The following SSBP2 variants were observed in gnomAD, a reference collection of about 807,000 sequenced individuals.
SSBP2 encodes single-stranded DNA-binding protein 2.
SSBP2 carries 17 observed loss-of-function variants against 61.8 expected under a neutral mutation model. That is an observed-to-expected ratio of 0.28 (90% CI 0.19 to 0.41). SSBP2 has a LOEUF of 0.41. Ranked by LOEUF, SSBP2 falls within the 10% of genes least tolerant of loss-of-function variation. SSBP2 has a pLI of 1.00. For missense variants in SSBP2, 310 were observed against 458.7 expected (o/e 0.68, Z 2.96); for synonymous variants, 139 against 141.3 (o/e 0.98, Z 0.12).
At chr5:81,603,898 T>C (rs1033805245) in intron 4 of SSBP2, among the ~76,000 whole-genome samples, 5 of 152,160 alleles carry the variant, frequency 3.3e-5, no homozygotes, top group African/African-American at 1.2e-4. Context: ...CTGAATAGTT[T>C]AGTGTTTCTA....
intron 5 of SSBP2, among the ~76,000 whole-genome samples, chr5:81,507,689 A>G (rs570137215): frequency 1.3e-5 from 2 of 152,096 alleles, no homozygotes; most frequent in East Asian, 1.9e-4. Flanking sequence ...TAAAGAACAT[A>G]AAGTAGGAAA....
At position 81,583,612 on chromosome 5, in the gene SSBP2, A is replaced by G. The variant is rs181785155; in HGVS notation, c.282+31861T>C. ...GCCACTGCACTCCAGCCTGGGCGAC[A>G]GAGCGAGACACCGTCTCAAAAAAAA... On this transcript the variant is annotated intron_variant, in intron 4 of 16. Coordinates refer to ENST00000320672, the MANE Select transcript of SSBP2 (RefSeq NM_012446.5). 8.5e-3 allele frequency among the ~76,000 whole-genome samples: 1,266 copies of G among 149,452 alleles called. 20 individuals are homozygous for G. Among genetic ancestry groups the G allele is most frequent in the African/African-American group, 0.03 (1,223 of 40,442 alleles).
intron 1 of SSBP2, among the ~76,000 whole-genome samples, chr5:81,732,933 A>G (rs1404100551): frequency 6.6e-6 from 1 of 152,264 alleles, no homozygotes; most frequent in Non-Finnish European, 1.5e-5. Context: ...ATTAGAAAAC[A>G]GTACATTTTA....
intron 16 of SSBP2, among the ~76,000 whole-genome samples, chr5:81,424,392 C>A (rs578214307): frequency 2.1e-4 from 32 of 151,910 alleles, no homozygotes; most frequent in Admixed American, 5.2e-4. Flanking sequence ...CCATTGCATT[C>A]CAGCCTGGGA....
chr5:81,579,758 T>C (rs773136331), intron 4 of SSBP2, among the ~76,000 whole-genome samples: 16 of 152,060 alleles, frequency 1.1e-4, no homozygotes, highest in Non-Finnish European at 1.9e-4. Flanking sequence ...AGCTGTCAAA[T>C]AGCCCCTAGA....
At position 81,420,279 on chromosome 5, in the gene SSBP2, G is replaced by A. The variant is rs1761515870; in HGVS notation, c.*225C>T. On this transcript the variant is annotated 3_prime_UTR_variant, in exon 17 of 17. Coordinates refer to ENST00000320672, the MANE Select transcript of SSBP2 (RefSeq NM_012446.5). ...ATACATACACACATAATTATTTGCA[G>A]TTCAGTTTAGGGCAATTCTAATATG... The A allele has an allele frequency of 7.0e-6, 4 of 573,398 alleles. No individual in the cohort carries two copies. The highest frequency in any genetic ancestry group is 5.7e-5 in the East Asian group (2 of 34,976). 35.5% of individuals were successfully genotyped at this position (573,398 alleles called of 1,614,324 possible).
intron 4 of SSBP2, among the ~76,000 whole-genome samples, chr5:81,537,289 G>C (rs985902622): frequency 6.6e-6 from 1 of 151,980 alleles, no homozygotes; most frequent in Admixed American, 6.6e-5. Flanking sequence ...TCTTATGGGG[G>C]TGGAGGCTTT....
intron 10 of SSBP2, among the ~76,000 whole-genome samples, chr5:81,460,680 C>T (rs1764474384): frequency 6.6e-6 from 1 of 152,138 alleles, no homozygotes; most frequent in Admixed American, 6.5e-5. Flanking sequence ...TTGGCTTCTT[C>T]TAACAGGTTG....
intron 6 of SSBP2, among the ~76,000 whole-genome samples, chr5:81,488,740 T>G (rs1395441327): frequency 1.4e-5 from 2 of 138,786 alleles, no homozygotes; most frequent in Non-Finnish European, 3.1e-5. Context: ...TGTGTGATGT[T>G]CCCCTTCCTG....
At chr5:81,625,069 G>T (rs1747006775) in intron 3 of SSBP2, among the ~76,000 whole-genome samples, 1 of 151,986 alleles carries the variant, frequency 6.6e-6, no homozygotes, top group Non-Finnish European at 1.5e-5. Context: ...TTGATGTAAG[G>T]TTATATAGTA....
intron 4 of SSBP2, among the ~76,000 whole-genome samples, chr5:81,536,942 T>G (rs1297335045): frequency 6.6e-6 from 1 of 151,624 alleles, no homozygotes; most frequent in African/African-American, 2.4e-5. Flanking sequence ...AGGCGGAGGT[T>G]GCAGTGAACT....
intron 1 of SSBP2, among the ~76,000 whole-genome samples, chr5:81,653,129 G>T (rs903385213): frequency 6.6e-6 from 1 of 151,962 alleles, no homozygotes; most frequent in Non-Finnish European, 1.5e-5. Context: ...CCCAGTGTGT[G>T]ATGTTCCCCT....
chr5:81,673,769 T>C (rs769627960), intron 1 of SSBP2, among the ~76,000 whole-genome samples: 3 of 152,202 alleles, frequency 2.0e-5, no homozygotes, highest in South Asian at 2.1e-4. Context: ...GCTAAAGACG[T>C]TGGCACTAAA....
At chr5:81,738,722 G>A (rs1322019106) in intron 1 of SSBP2, among the ~76,000 whole-genome samples, 1 of 152,162 alleles carries the variant, frequency 6.6e-6, no homozygotes, top group Non-Finnish European at 1.5e-5. Flanking sequence ...CTGCATTGGT[G>A]TAGAAAAATG....
At chr5:81,607,926 G>T (rs992279849) in intron 4 of SSBP2, among the ~76,000 whole-genome samples, 1 of 152,138 alleles carries the variant, frequency 6.6e-6, no homozygotes, top group Admixed American at 6.5e-5. Context: ...CTGGGTTACA[G>T]AACATAACAG....
intron 3 of SSBP2, among the ~76,000 whole-genome samples, chr5:81,632,889 G>C (rs1474574800): frequency 6.6e-6 from 1 of 152,142 alleles, no homozygotes; most frequent in African/African-American, 2.4e-5. Context: ...TTCTGAATCT[G>C]AAACATTCTT....
rs1761523773 is a variant in SSBP2 at position 81,420,409 on chromosome 5, T to G, written c.*95A>C. 8.1e-7 allele frequency: 1 copy of G among 1,231,352 alleles called. No individual in the cohort carries two copies. Among genetic ancestry groups the G allele is most frequent in the Non-Finnish European group, 1.2e-6 (1 of 841,178 alleles). The allele number at this position is 1,231,352 out of a possible 1,614,324, so 76.3% of individuals were successfully genotyped here. A position where few individuals can be genotyped will look rare whatever the true frequency, so the allele number is the denominator to read the frequency against. ...TGGTTTGGTGTGACTGAGATTCCTTTGTTTAACTGTACACTGTGATGAATA... is the reference window on the plus strand; with the variant it reads ...TGGTTTGGTGTGACTGAGATTCCTTGGTTTAACTGTACACTGTGATGAATA... On this transcript the variant is annotated 3_prime_UTR_variant, in exon 17 of 17. Transcript: ENST00000320672.
intron 1 of SSBP2, among the ~76,000 whole-genome samples, chr5:81,736,518 G>A (rs987752174): frequency 6.6e-6 from 1 of 151,976 alleles, no homozygotes; most frequent in Non-Finnish European, 1.5e-5. Flanking sequence ...TTGGTCAAGT[G>A]GCTTTGATGT....
chr5:81,437,816 AT>A (rs1561397770), intron 14 of SSBP2: 1 of 153,664 alleles, frequency 6.5e-6, no homozygotes, highest in East Asian at 1.9e-4. Context: ...ATATCTACAT[AT>A]ATTTTTTGAA....
Sources: allele counts gnomAD v4.1 joint callset (sites outside exome capture counted in the v4.1 genomes callset), GRCh38; gene constraint gnomAD v4.1.1; transcripts MANE v1.5; gene names NCBI Gene and HGNC (gene_info 2026-07-23, HGNC 2026-07-21).